The following GRID2 variants were observed in gnomAD, a reference collection of about 807,000 sequenced individuals.
GRID2 encodes the protein glutamate receptor ionotropic, delta-2.
GRID2 carries 33 observed loss-of-function variants against 114.8 expected under a neutral mutation model. That is an observed-to-expected ratio of 0.29 (90% CI 0.22 to 0.38). The LOEUF is 0.38. Ranked by LOEUF, GRID2 falls within the 10% of genes least tolerant of loss-of-function variation. The pLI, the probability that GRID2 is intolerant of heterozygous loss-of-function variation, is 1.00. For synonymous variants in GRID2, 505 were observed against 449.9 expected, an observed-to-expected ratio of 1.12 and a Z score of -1.55; for missense variants, 1,184 against 1,257.7, an observed-to-expected ratio of 0.94 and a Z score of 0.89.
chr4:92,471,417 G>A (rs1214509406), intron 1 of GRID2, among the ~76,000 whole-genome samples: 1 of 152,016 alleles, frequency 6.6e-6, no homozygotes, highest in Non-Finnish European at 1.5e-5. Flanking sequence ...CTGTTGGTAA[G>A]TAAGTCATTA....
intron 3 of GRID2, among the ~76,000 whole-genome samples, chr4:93,099,560 T>A (rs888366363): frequency 6.6e-6 from 1 of 151,866 alleles, no homozygotes; most frequent in Admixed American, 6.6e-5. Flanking sequence ...GTATCCAGTA[T>A]GCTGGGTAGA....
At chr4:92,313,455 C>G (rs545105119) in intron 1 of GRID2, among the ~76,000 whole-genome samples, 2 of 151,216 alleles carry the variant, frequency 1.3e-5, no homozygotes, top group South Asian at 4.2e-4. Context: ...CCACCTGTAC[C>G]CCAATAACTT....
At chr4:92,737,277 T>G (rs1166308118) in intron 2 of GRID2, among the ~76,000 whole-genome samples, 1 of 152,098 alleles carries the variant, frequency 6.6e-6, no homozygotes, top group Non-Finnish European at 1.5e-5. Flanking sequence ...TCAGGAATAC[T>G]GAAGTGAATA....
At chr4:93,315,101 T>A (rs954394415) in intron 8 of GRID2, among the ~76,000 whole-genome samples, 4 of 152,084 alleles carry the variant, frequency 2.6e-5, no homozygotes, top group Non-Finnish European at 5.9e-5. Flanking sequence ...TGGTGGCATG[T>A]AAGAGAGAGC....
intron 2 of GRID2, among the ~76,000 whole-genome samples, chr4:92,593,667 A>G (rs1436115560): frequency 2.0e-5 from 3 of 151,898 alleles, no homozygotes; most frequent in Non-Finnish European, 2.9e-5. Context: ...CATGAATAAT[A>G]GAAAAAAATT....
chr4:92,464,210 G>T (rs1231060713), intron 1 of GRID2, among the ~76,000 whole-genome samples: 1 of 151,978 alleles, frequency 6.6e-6, no homozygotes, highest in Non-Finnish European at 1.5e-5. Context: ...GAATGAGAAA[G>T]ATAGTGGAAA....
At chr4:92,924,559 C>A (rs544579618) in intron 2 of GRID2, among the ~76,000 whole-genome samples, 1 of 152,256 alleles carries the variant, frequency 6.6e-6, no homozygotes, top group South Asian at 2.1e-4. Context: ...TTCCAAAACA[C>A]TGCTGCATGG....
chr4:92,736,873 A>G (rs1414701061), intron 2 of GRID2, among the ~76,000 whole-genome samples: 1 of 152,104 alleles, frequency 6.6e-6, no homozygotes. Context: ...GGACAGGAAT[A>G]CTCAGAAAGA....
intron 1 of GRID2, among the ~76,000 whole-genome samples, chr4:92,468,446 C>G (rs1721861763): frequency 6.6e-6 from 1 of 151,918 alleles, no homozygotes. Flanking sequence ...TTCAAATTAC[C>G]TACTTGGTGG....
intron 1 of GRID2, among the ~76,000 whole-genome samples, chr4:93,792,821 C>T (rs1413495891): frequency 2.6e-5 from 4 of 152,102 alleles, no homozygotes; most frequent in African/African-American, 7.2e-5. Context: ...CCGGGTTGTT[C>T]TGATTGATGA....
intron 8 of GRID2, among the ~76,000 whole-genome samples, chr4:93,301,328 A>T (rs1754847807): frequency 3.9e-5 from 6 of 152,196 alleles, no homozygotes. Context: ...TTTAACCTAT[A>T]ATTATGTGGG....
At chr4:92,499,102 A>G (rs78503870) in intron 1 of GRID2, among the ~76,000 whole-genome samples, 2,949 of 152,086 alleles carry the variant, frequency 0.019, 38 homozygotes, top group Middle Eastern at 0.037. Flanking sequence ...GAAATAAGAT[A>G]CATTGTAGAT....
chr4:92,601,419 C>T (rs1191178198), intron 2 of GRID2, among the ~76,000 whole-genome samples: 2 of 152,154 alleles, frequency 1.3e-5, no homozygotes, highest in Non-Finnish European at 2.9e-5. Context: ...GAACAACCTG[C>T]TCCTGAATGA....
chr4:92,785,708 T>C (rs2149361153), intron 2 of GRID2, among the ~76,000 whole-genome samples: 1 of 151,876 alleles, frequency 6.6e-6, no homozygotes, highest in South Asian at 2.1e-4. Flanking sequence ...AAATTCCTAT[T>C]TTACTTTTGA....
chr4:92,991,916 G>GT (rs1426157816), intron 2 of GRID2, among the ~76,000 whole-genome samples: 1 of 152,078 alleles, frequency 6.6e-6, no homozygotes, highest in Non-Finnish European at 1.5e-5. Context: ...TATTTTTGAA[G>GT]TTTTTTTAAA....
chr4:93,393,677 T>C (rs1042710947), intron 8 of GRID2, among the ~76,000 whole-genome samples: 4 of 152,010 alleles, frequency 2.6e-5, no homozygotes, highest in African/African-American at 9.7e-5. Flanking sequence ...GGAAATTATA[T>C]ATTTATAAAT....
intron 9 of GRID2, among the ~76,000 whole-genome samples, chr4:93,397,340 T>C (rs1331167397): frequency 2.0e-5 from 3 of 151,936 alleles, no homozygotes; most frequent in Admixed American, 1.3e-4. Context: ...TGCATTTACA[T>C]TGATGCACTA....
chr4:92,959,080 AG>A, intron 2 of GRID2, among the ~76,000 whole-genome samples: 1 of 73,368 alleles, frequency 1.4e-5, no homozygotes, highest in South Asian at 3.9e-4. Context: ...TTTTTTCCTT[AG>A]CCTGGCTAAA....
intron 1 of GRID2, among the ~76,000 whole-genome samples, chr4:92,439,124 G>T (rs1471025626): frequency 2.0e-5 from 3 of 151,986 alleles, no homozygotes; most frequent in Non-Finnish European, 4.4e-5. Flanking sequence ...ACAGTCAAAG[G>T]GGGCTTGTTC....
Sources: allele counts gnomAD v4.1 joint callset (sites outside exome capture counted in the v4.1 genomes callset), GRCh38; gene constraint gnomAD v4.1.1; transcripts MANE v1.5; gene names NCBI Gene and HGNC (gene_info 2026-07-23, HGNC 2026-07-21).